SNRNP200: variants seen among roughly 807,000 people sequenced by gnomAD.
SNRNP200 encodes the protein U5 small nuclear ribonucleoprotein 200 kDa helicase.
Under a neutral mutation model 255.2 loss-of-function variants are expected in SNRNP200, and 66 were observed. That is an observed-to-expected ratio of 0.26 (90% CI 0.21 to 0.32). The LOEUF is 0.32. Ranked by LOEUF, SNRNP200 falls within the 10% of genes least tolerant of loss-of-function variation. SNRNP200 has a pLI of 1.00. For missense variants in SNRNP200, 1,585 were observed against 2,749.8 expected (o/e 0.58, Z 9.47); for synonymous variants, 939 against 1,027.8 (o/e 0.91, Z 1.65).
chr2:96,298,587 C>T lies in SNRNP200; in HGVS notation c.982+16G>A, dbSNP rs1206869716. ...ATATGTACTCACTCTGCAGGAAGACCCCACCATATACTCACTCATCATCCT... is the reference window on the plus strand; with the variant it reads ...ATATGTACTCACTCTGCAGGAAGACTCCACCATATACTCACTCATCATCCT... On this transcript the variant is annotated intron_variant, in intron 8 of 44. Coordinates refer to ENST00000323853, the MANE Select transcript of SNRNP200 (RefSeq NM_014014.5). The T allele has an allele frequency of 6.2e-7, 1 of 1,612,392 alleles. No individual in the cohort carries two copies. The highest frequency in any genetic ancestry group is 1.3e-5 in the African/African-American group (1 of 74,830).
Position 96,283,083 on chromosome 2 carries a change from C to G in SNRNP200, c.4915+118G>C. 1 of 1,330,668 alleles carries G rather than the reference C, an allele frequency of 7.5e-7. No homozygotes were observed. Among genetic ancestry groups the G allele is most frequent in the South Asian group, 1.2e-5 (1 of 84,956 alleles). 82.4% of individuals were successfully genotyped at this position (1,330,668 alleles called of 1,614,324 possible). A position where few individuals can be genotyped will look rare whatever the true frequency, so the allele number is the denominator to read the frequency against. ...TGAGTTAACAGCCAAGAGTCCTAAACAGTATTTTGAAAATCTCTGGTATGC... is the reference window on the plus strand; with the variant it reads ...TGAGTTAACAGCCAAGAGTCCTAAAGAGTATTTTGAAAATCTCTGGTATGC... On this transcript the variant is annotated intron_variant, in intron 34 of 44. Coordinates refer to ENST00000323853, the MANE Select transcript of SNRNP200 (RefSeq NM_014014.5). This position sits in a 1 kb window ranked among gnomAD's most constrained non-coding sequence, Gnocchi z 4.7.
In SNRNP200 at chr2:96,286,452, G is replaced by T; in HGVS notation, c.3862C>A (p.His1288Asn). 6.2e-7 allele frequency: 1 copy of T among 1,614,176 alleles called. No individual in the cohort carries two copies. The highest frequency in any genetic ancestry group is 2.2e-5 in the East Asian group (1 of 44,876). The change falls in exon 29 of 45, where the codon CAC becomes AAC. Residue 1288 changes from histidine (H) to asparagine (N), a missense_variant. His to Asn is a moderately conservative substitution (Grantham distance 68). Around this residue, in one of 9 missense-constraint regions of SNRNP200, gnomAD observed 719 missense variants for 1,091.1 expected, o/e 0.66. Transcript: ENST00000323853. This position sits in a 1 kb window ranked among gnomAD's most constrained non-coding sequence, Gnocchi z 4.8. Reference sequence around the variant, plus strand: ...GGGTACTTCTCCGGCAAGATCAGGTGCCGGAAGGAGACAGGCAGCTGGGTC... The same window carrying T: ...GGGTACTTCTCCGGCAAGATCAGGTTCCGGAAGGAGACAGGCAGCTGGGTC... ...CETQLPVSFR[H>N]LILPEKYPPP... is the part of the protein sequence containing the mutation.
chr2:96,294,162 A>G (rs576057011), intron 14 of SNRNP200, among the ~76,000 whole-genome samples: 2 of 149,868 alleles, frequency 1.3e-5, no homozygotes, highest in East Asian at 2.0e-4. Context: ...AGCCGGGGGC[A>G]GTGGCTCACG....
intron 14 of SNRNP200, among the ~76,000 whole-genome samples, chr2:96,293,838 AC>A (rs2063899764): frequency 6.6e-6 from 1 of 152,234 alleles, no homozygotes; most frequent in African/African-American, 2.4e-5. Context: ...CAGAAGCTTC[AC>A]CTCTGGCAGT....
Position 96,301,517 on chromosome 2 carries a change from C to T in SNRNP200, c.574+7G>A. The T allele has an allele frequency of 6.2e-7, 1 of 1,614,106 alleles. No homozygotes were observed. The highest frequency in any genetic ancestry group is 8.5e-7 in the Non-Finnish European group (1 of 1,179,946). On this transcript the variant is annotated splice_region_variant and intron_variant, in intron 4 of 44. Transcript: ENST00000323853. Reference sequence around the variant, plus strand: ...GAACATGATCAGAACATAAAGCGCGCACTTACCCATATTTTGGATTTCCTT... The same window carrying T: ...GAACATGATCAGAACATAAAGCGCGTACTTACCCATATTTTGGATTTCCTT...
chr2:96,293,276 T>C lies in SNRNP200; in HGVS notation c.2036+40A>G, dbSNP rs187526358. ...TTGGAAAAGAGGAAAGAGAGCAGGA[T>C]GGTCACCTTGGCAGAACTTTGCCCA... On this transcript the variant is annotated intron_variant, in intron 15 of 44. Coordinates refer to ENST00000323853, the MANE Select transcript of SNRNP200 (RefSeq NM_014014.5). 3.0e-4 allele frequency: 475 copies of C among 1,598,788 alleles called. 1 individual carries two copies. The African/African-American group carries it at 5.4e-3, about 18-fold the overall frequency.
At chr2:96,302,952 T>A (rs377530234) in intron 3 of SNRNP200, among the ~76,000 whole-genome samples, 13 of 152,094 alleles carry the variant, frequency 8.5e-5, no homozygotes, top group East Asian at 7.7e-4. Flanking sequence ...CTAGTCCTTT[T>A]GGGGTTTTTA....
chr2:96,282,200 A>C (rs1216480717), intron 34 of SNRNP200: 2 of 425,462 alleles, frequency 4.7e-6, no homozygotes, highest in East Asian at 9.8e-5. Context: ...CAGCTGATGG[A>C]CTGCTCCTCT....
intron 36 of SNRNP200, 112 bp from the exon 37 acceptor site, chr2:96,279,110 A>G (rs1684717633): frequency 1.2e-6 from 1 of 833,222 alleles, no homozygotes; most frequent in South Asian, 1.4e-5. Flanking sequence ...AACTAATACC[A>G]AAATGGAAGA....
intron 10 of SNRNP200, 45 bp from the exon 11 acceptor site, chr2:96,297,581 A>C: frequency 6.2e-7 from 1 of 1,614,200 alleles, no homozygotes; most frequent in Non-Finnish European, 8.5e-7. Flanking sequence ...AAGCAAGCCG[A>C]GCAAGTGAGT....
chr2:96,281,359 G>A (rs1649481457), intron 35 of SNRNP200: 2 of 188,214 alleles, frequency 1.1e-5, no homozygotes, highest in South Asian at 9.1e-5. Context: ...GTAGAGACGG[G>A]GGTTTCACTA....
chr2:96,289,774 G>A (rs779570652), intron 21 of SNRNP200, 25 bp downstream of exon 21: 38 of 1,611,528 alleles, frequency 2.4e-5, no homozygotes, highest in Non-Finnish European at 3.1e-5. Flanking sequence ...TGAGACCTTT[G>A]CCTCAAAACC....
chr2:96,281,159 C>G (rs1684754281), intron 35 of SNRNP200: 1 of 147,640 alleles, frequency 6.8e-6, no homozygotes, highest in African/African-American at 2.5e-5. Context: ...CCACCACACC[C>G]AGGCTTTTTT....
At position 96,304,687 on chromosome 2, in the gene SNRNP200, T is replaced by C. The variant is rs1346219261; in HGVS notation, c.209+18A>G. 2.5e-6 allele frequency: 4 copies of C among 1,613,892 alleles called. No individual in the cohort carries two copies. Among genetic ancestry groups the C allele is most frequent in the East Asian group, 2.2e-5 (1 of 44,898 alleles). ...ACTTTGGATCTGAAGGAAAAAATAG[T>C]ATCCCCTTGGCACTCACTTGGCTCT... On this transcript the variant is annotated intron_variant, in intron 2 of 44. Transcript: ENST00000323853.
rs779085723 is a variant in SNRNP200, at chr2:96,277,004, G to A, written c.6093-19C>T. Reference sequence around the variant, plus strand: ...CCCGCCACTGCAGGGGGAGAGGAGGGGCGCACGTCAGTGATGGGGCAGTGG... The same window carrying A: ...CCCGCCACTGCAGGGGGAGAGGAGGAGCGCACGTCAGTGATGGGGCAGTGG... On this transcript the variant is annotated intron_variant, in intron 42 of 44. Coordinates refer to ENST00000323853, the MANE Select transcript of SNRNP200 (RefSeq NM_014014.5). This position sits in a 1 kb window ranked among gnomAD's most constrained non-coding sequence, Gnocchi z 4.4. 1.4e-5 allele frequency: 23 copies of A among 1,613,982 alleles called. No homozygotes were observed. Among genetic ancestry groups the A allele is most frequent in the Non-Finnish European group, 1.5e-5 (18 of 1,180,010 alleles).
At position 96,290,845 on chromosome 2, in the gene SNRNP200, A is replaced by G; in HGVS notation, c.2422-30T>C. 1 of 1,613,848 alleles carries G rather than the reference A, an allele frequency of 6.2e-7. No homozygotes were observed. The highest frequency in any genetic ancestry group is 8.5e-7 in the Non-Finnish European group (1 of 1,179,870). On this transcript the variant is annotated intron_variant, in intron 18 of 44. Transcript: ENST00000323853. The surrounding 1 kb of genome is among the most constrained non-coding windows in gnomAD (Gnocchi z 4.5). ...AGAGGCAAAACAAGGTAATGAGGAG[A>G]ACAGATGCCATCACCAGGGGTTAAT...
chr2:96,276,854 C>T (rs778219011), intron 43 of SNRNP200, 50 bp downstream of exon 43: 1 of 1,563,832 alleles, frequency 6.4e-7, no homozygotes, highest in Non-Finnish European at 8.8e-7. Context: ...AGCACCTAGC[C>T]AATGGATAGG....
Position 96,283,441 on chromosome 2 carries a change from A to G in SNRNP200, c.4764-89T>C. 7 of 1,612,724 alleles carry G rather than the reference A, an allele frequency of 4.3e-6. No homozygotes were observed. The highest frequency in any genetic ancestry group is 1.1e-5 in the South Asian group (1 of 90,988). On this transcript the variant is annotated intron_variant, in intron 33 of 44. Transcript: ENST00000323853. The surrounding 1 kb of genome is among the most constrained non-coding windows in gnomAD (Gnocchi z 4.7). Reference sequence around the variant, plus strand: ...TGTGCAGAACCTGGCCCCAAGCAACATGGGCTAACCCCACCCTCATAAAGA... The same window carrying G: ...TGTGCAGAACCTGGCCCCAAGCAACGTGGGCTAACCCCACCCTCATAAAGA...
intron 8 of SNRNP200, 60 bp from the exon 9 acceptor site, chr2:96,298,480 C>T (rs1573999915): frequency 1.9e-6 from 3 of 1,612,232 alleles, no homozygotes; most frequent in Non-Finnish European, 1.7e-6. Context: ...AAAAACCATC[C>T]TCAGGGTAGA....
Sources: gnomAD v4.1 joint callset for allele counts (sites outside exome capture counted in the v4.1 genomes callset) on GRCh38, gnomAD v4.1.1 for gene constraint, gnomAD v4.1.1 regional missense constraint, Gnocchi (gnomAD v3.1) non-coding constraint, MANE v1.5 for transcripts, NCBI Gene and HGNC (gene_info 2026-07-23, HGNC 2026-07-21) for gene names.